Variants in CD8B observed in about 807,000 individuals in gnomAD.
CD8B encodes CD8 subunit beta.
Under a neutral mutation model 24.2 loss-of-function variants are expected in CD8B, and 6 were observed. The observed-to-expected ratio is 0.25, with a 90% confidence interval of 0.14 to 0.49. The LOEUF is 0.49. Among genes scored for constraint, CD8B ranks in the 20% least tolerant of loss-of-function variants. CD8B has a pLI of 0.98. For missense variants in CD8B, 196 were observed against 271.3 expected, an observed-to-expected ratio of 0.72 and a Z score of 1.95; for synonymous variants, 84 against 108.3, an observed-to-expected ratio of 0.78 and a Z score of 1.39.
At chr2:86,833,175 GTGTTGC>G (rs1260364480), downstream of CD8B, among the ~76,000 whole-genome samples, 4 of 151,238 alleles carry the variant, frequency 2.6e-5, no homozygotes, top group Non-Finnish European at 5.9e-5. Flanking sequence ...CACTCTGGCA[GTGTTGC>G]CAAGTTAATC....
chr2:86,818,382 A>T (rs1308071559), intron 5 of CD8B, among the ~76,000 whole-genome samples: 2 of 152,030 alleles, frequency 1.3e-5, no homozygotes, highest in Admixed American at 6.5e-5. Flanking sequence ...TTTTTAGCAA[A>T]TTGAAAGTTT....
chr2:86,825,656 G>A (rs1424672906), intron 5 of CD8B, among the ~76,000 whole-genome samples: 2 of 152,178 alleles, frequency 1.3e-5, no homozygotes, highest in African/African-American at 4.8e-5. Context: ...GGTGATAACT[G>A]CACTAGACAC....
chr2:86,825,773 AG>A (rs1177614843), intron 5 of CD8B, among the ~76,000 whole-genome samples: 1 of 152,116 alleles, frequency 6.6e-6, no homozygotes, highest in Non-Finnish European at 1.5e-5. Context: ...GCAGGCTCTA[AG>A]GGGGGCATGG....
chr2:86,851,806 A>G, intron 3 of CD8B, among the ~76,000 whole-genome samples: 1 of 152,150 alleles, frequency 6.6e-6, no homozygotes, highest in East Asian at 1.9e-4. Context: ...GGGTTTAAGG[A>G]AAACGTGTGC....
downstream of CD8B, among the ~76,000 whole-genome samples, chr2:86,837,313 T>G (rs1242961523): frequency 6.6e-6 from 1 of 152,180 alleles, no homozygotes. Context: ...AGGTTGTAAG[T>G]GTCTTTTTCA....
In CD8B at chr2:86,852,849, C is replaced by T. The variant is rs902710270; in HGVS notation, c.493+148G>A. The T allele has an allele frequency of 2.3e-6, 3 of 1,296,026 alleles. No individual in the cohort carries two copies. The African/African-American group carries it at 4.6e-5, about 20-fold the overall frequency. 80.3% of individuals were successfully genotyped at this position (1,296,026 alleles called of 1,614,324 possible). A position where few individuals can be genotyped will look rare whatever the true frequency, so the allele number is the denominator to read the frequency against. On this transcript the variant is annotated intron_variant, in intron 3 of 5. Coordinates refer to ENST00000390655, the MANE Select transcript of CD8B (RefSeq NM_004931.5). Reference sequence around the variant, plus strand: ...CGAGACTGTGAGTTGCTGGCACACTCAGCATCCTTTCTGACCCTAGCTTAG... The same window carrying T: ...CGAGACTGTGAGTTGCTGGCACACTTAGCATCCTTTCTGACCCTAGCTTAG...
Position 86,861,808 on chromosome 2 carries a change from G to A in CD8B, c.43+15C>T, listed in dbSNP as rs1676614739. 7.9e-7 allele frequency: 1 copy of A among 1,271,058 alleles called. No homozygotes were observed. The highest frequency in any genetic ancestry group is 9.9e-7 in the Non-Finnish European group (1 of 1,010,112). The allele number at this position is 1,271,058 out of a possible 1,614,324, so 78.7% of individuals were successfully genotyped here. A position where few individuals can be genotyped will look rare whatever the true frequency, so the allele number is the denominator to read the frequency against. On this transcript the variant is annotated intron_variant, in intron 1 of 5. Transcript: ENST00000390655. ...GAGCGCAGACCCTTGGGTAGCCCGC[G>A]CGCCGCCGCCTTACCTGTCAGCTGC...
intron 5 of CD8B, among the ~76,000 whole-genome samples, chr2:86,822,683 A>C (rs907105572): frequency 2.0e-5 from 3 of 152,224 alleles, no homozygotes; most frequent in Admixed American, 2.0e-4. Flanking sequence ...TAATTTTTGC[A>C]ATGTGTATTA....
At position 86,858,318 on chromosome 2, in the gene CD8B, T is replaced by C; in HGVS notation, c.142A>G (p.Ser48Gly). Residue 48 changes from serine (S) to glycine (G), a missense_variant, in exon 2 of 6, where the codon AGT (serine) becomes GGT (glycine). Coordinates refer to ENST00000390655, the MANE Select transcript of CD8B (RefSeq NM_004931.5). ...CTCAGCCAGTAGATGCGCATGTTAC[T>C]GAGGGAGATTTTAGCCTCGCAGGAC... ...MLSCEAKISL[S>G]NMRIYWLRQR... is the part of the protein sequence containing the mutation. The C allele has an allele frequency of 6.2e-7, 1 of 1,614,000 alleles. No individual in the cohort carries two copies. The highest frequency in any genetic ancestry group is 8.5e-7 in the Non-Finnish European group (1 of 1,179,868).
chr2:86,857,756 A>C (rs1294207640), intron 2 of CD8B, among the ~76,000 whole-genome samples: 1 of 152,164 alleles, frequency 6.6e-6, no homozygotes, highest in Non-Finnish European at 1.5e-5. Context: ...AAAAAAGAGA[A>C]GCACAATGCT....
intron 5 of CD8B, among the ~76,000 whole-genome samples, chr2:86,831,985 A>C (rs544374850): frequency 6.6e-6 from 1 of 152,354 alleles, no homozygotes; most frequent in African/African-American, 2.4e-5. Flanking sequence ...TGGCCATTGT[A>C]ATAACAAATG....
intron 1 of CD8B, among the ~76,000 whole-genome samples, chr2:86,860,254 A>G (rs1161239268): frequency 2.6e-5 from 4 of 152,234 alleles, no homozygotes; most frequent in African/African-American, 9.6e-5. Context: ...TGGGCGACAG[A>G]GCAAGACTCC....
downstream of CD8B, among the ~76,000 whole-genome samples, chr2:86,837,728 C>T (rs892622490): frequency 1.2e-4 from 18 of 146,100 alleles, no homozygotes; most frequent in Middle Eastern, 6.5e-3. Flanking sequence ...TGTAGGACCC[C>T]CCTTCTTCTT....
chr2:86,835,898 G>A (rs978058375), downstream of CD8B, among the ~76,000 whole-genome samples: 2 of 151,842 alleles, frequency 1.3e-5, no homozygotes, highest in African/African-American at 4.8e-5. Context: ...CTCACTCTTG[G>A]AGCCACGCAA....
intron 5 of CD8B, among the ~76,000 whole-genome samples, chr2:86,832,436 C>A (rs1010309413): frequency 6.6e-6 from 1 of 151,712 alleles, no homozygotes; most frequent in African/African-American, 2.4e-5. Context: ...CAAGATCATG[C>A]CACTGTACTC....
chr2:86,824,704 T>C (rs1297158574), intron 5 of CD8B, among the ~76,000 whole-genome samples: 1 of 152,088 alleles, frequency 6.6e-6, no homozygotes, highest in Non-Finnish European at 1.5e-5. Flanking sequence ...TTCTAGTCCC[T>C]CCAGAGCACA....
intron 1 of CD8B, among the ~76,000 whole-genome samples, chr2:86,861,323 G>A (rs140317380): frequency 0.021 from 3,201 of 152,142 alleles, 58 homozygotes; most frequent in Non-Finnish European, 0.032. Context: ...CAGGGAGAAC[G>A]GGAGCCAGAG....
intron 3 of CD8B, among the ~76,000 whole-genome samples, chr2:86,851,170 G>A (rs892510347): frequency 8.6e-5 from 13 of 151,878 alleles, no homozygotes; most frequent in Non-Finnish European, 1.8e-4. Context: ...ATTTATAAAA[G>A]TATGACTGAG....
At chr2:86,830,394 C>T (rs1573496143) in intron 5 of CD8B, among the ~76,000 whole-genome samples, 1 of 152,180 alleles carries the variant, frequency 6.6e-6, no homozygotes, top group South Asian at 2.1e-4. Context: ...TGGCGAAACC[C>T]TATCTCTACT....
Sources: allele counts gnomAD v4.1 joint callset (sites outside exome capture counted in the v4.1 genomes callset), GRCh38; gene constraint gnomAD v4.1.1; transcripts MANE v1.5; gene names NCBI Gene and HGNC (gene_info 2026-07-23, HGNC 2026-07-21).